HERC1: variants seen among roughly 807,000 people sequenced by gnomAD.
HERC1 encodes probable E3 ubiquitin-protein ligase HERC1.
Under a neutral mutation model 554.3 loss-of-function variants are expected in HERC1, and 160 were observed. That is an observed-to-expected ratio of 0.29 (90% CI 0.25 to 0.33). The LOEUF is 0.33. Ranked by LOEUF, HERC1 falls within the 10% of genes least tolerant of loss-of-function variation. HERC1 has a pLI of 1.00. For synonymous variants in HERC1, 2,175 were observed against 2,131.7 expected (o/e 1.02, Z -0.56); for missense variants, 4,919 against 5,918.5 (o/e 0.83, Z 5.54).
chr15:63,695,663 T>C (rs1427601132), intron 27 of HERC1, among the ~76,000 whole-genome samples: 7 of 152,160 alleles, frequency 4.6e-5, no homozygotes, highest in Admixed American at 6.5e-5. Context: ...GCTGGGATTA[T>C]AGGTGTGAGC....
At chr15:63,644,264 A>C (rs2069213127) in intron 57 of HERC1, among the ~76,000 whole-genome samples, 1 of 152,262 alleles carries the variant, frequency 6.6e-6, no homozygotes, top group Non-Finnish European at 1.5e-5. Flanking sequence ...TATCATGAGC[A>C]AAAGGAAGGC....
At chr15:63,741,293 C>A (rs761204358) in intron 12 of HERC1, among the ~76,000 whole-genome samples, 1 of 151,688 alleles carries the variant, frequency 6.6e-6, no homozygotes, top group Non-Finnish European at 1.5e-5. Context: ...TCTCAAAGTG[C>A]TGGGATTACA....
At position 63,609,265 on chromosome 15, in the gene HERC1, G is replaced by C; in HGVS notation, c.14402C>G (p.Pro4801Arg). 6.2e-7 allele frequency: 1 copy of C among 1,606,500 alleles called. No individual in the cohort carries two copies. Among genetic ancestry groups the C allele is most frequent in the South Asian group, 1.1e-5 (1 of 89,770 alleles). ...CTGTGAGGTAGGCAGACTGTCGTAA[G>C]GCTGTGGAGAGAGACCCAGAGCCGT... ...QRFQIMKVDR[P>R]YDSLPTSQTC... The change falls in exon 78 of 78, where the codon CCT (proline) becomes CGT (arginine). Residue 4801 changes from proline to arginine, a missense_variant and splice_region_variant. Coordinates refer to ENST00000443617, the MANE Select transcript of HERC1 (RefSeq NM_003922.4).
intron 59 of HERC1, among the ~76,000 whole-genome samples, chr15:63,642,571 T>G (rs1418209367): frequency 6.6e-6 from 1 of 152,152 alleles, no homozygotes; most frequent in Non-Finnish European, 1.5e-5. Flanking sequence ...CTCAGGACCT[T>G]GAGCAATCTG....
Position 63,623,795 on chromosome 15 carries a change from A to G in HERC1, c.13541T>C (p.Val4514Ala). 1 of 1,613,948 alleles carries G rather than the reference A, an allele frequency of 6.2e-7. No homozygotes were observed. The highest frequency in any genetic ancestry group is 8.5e-7 in the Non-Finnish European group (1 of 1,179,878). Residue 4514 changes from valine (V) to alanine (A), a missense_variant, in exon 73 of 78, where the codon GTT becomes GCT. Around this residue, in one of 11 missense-constraint regions of HERC1, gnomAD observed 410 missense variants for 467.0 expected, o/e 0.88. Coordinates refer to ENST00000443617, the MANE Select transcript of HERC1 (RefSeq NM_003922.4). ...ATCAGCCCCTTCTCCAACCAGCTTA[A>G]CCTTCCACGCTCGGGAAGGCAGGCG... Reference protein sequence around the residue: ...DLRLPSRAWKVKLVGEGADDA... With the variant: ...DLRLPSRAWKAKLVGEGADDA...
chr15:63,766,551 C>A (rs1342833613), intron 2 of HERC1, among the ~76,000 whole-genome samples: 1 of 152,206 alleles, frequency 6.6e-6, no homozygotes, highest in African/African-American at 2.4e-5. Context: ...TGCACTCCAG[C>A]CTAGGTGACA....
Position 63,658,629 on chromosome 15 carries a change from C to A in HERC1, c.9514G>T (p.Val3172Leu). 2.5e-6 allele frequency: 4 copies of A among 1,613,976 alleles called. No homozygotes were observed. Among genetic ancestry groups the A allele is most frequent in the Non-Finnish European group, 3.4e-6 (4 of 1,179,834 alleles). The change falls in exon 48 of 78, where the codon GTG becomes TTG. Residue 3172 changes from valine to leucine, a missense_variant. Physicochemically the swap from Val to Leu is conservative, Grantham distance 32 (BLOSUM62 1). Coordinates refer to ENST00000443617, the MANE Select transcript of HERC1 (RefSeq NM_003922.4). ...AALANPHDRV[V>L]ALRRVTAAAQ... ...GCAGCAGTCACTCTCCTTAAAGCCA[C>A]CACACGGTCATGAGGGTTTGCTAGG...
At chr15:63,665,330 G>A (rs761819885) in intron 42 of HERC1, among the ~76,000 whole-genome samples, 6 of 152,268 alleles carry the variant, frequency 3.9e-5, no homozygotes, top group Non-Finnish European at 7.4e-5. Flanking sequence ...TCTGGAGTTC[G>A]AGACCGTCCT....
chr15:63,799,893 T>C (rs2076924492), intron 1 of HERC1, among the ~76,000 whole-genome samples: 1 of 151,682 alleles, frequency 6.6e-6, no homozygotes, highest in South Asian at 2.1e-4. Context: ...TCCCAGCATT[T>C]TGGGAGGATC....
At position 63,628,626 on chromosome 15, in the gene HERC1, G is replaced by C. The variant is rs371487997; in HGVS notation, c.13105+51C>G. 45 of 1,548,650 alleles carry C rather than the reference G, an allele frequency of 2.9e-5. No individual in the cohort carries two copies. The African/African-American group carries it at 5.9e-4, about 20-fold the overall frequency. On this transcript the variant is annotated intron_variant, in intron 70 of 77. Transcript: ENST00000443617. ...AACTGGCAAGCAGACAGTGCCATGG[G>C]GTACTGCTAAAAAAGAAACGCTGCA...
At chr15:63,663,972 C>T (rs1415460069) in intron 43 of HERC1, among the ~76,000 whole-genome samples, 1 of 152,128 alleles carries the variant, frequency 6.6e-6, no homozygotes, top group Non-Finnish European at 1.5e-5. Context: ...AATATATTCC[C>T]TATAATTTAT....
intron 25 of HERC1, among the ~76,000 whole-genome samples, chr15:63,700,889 G>A (rs2153075971): frequency 6.6e-6 from 1 of 151,856 alleles, no homozygotes; most frequent in East Asian, 1.9e-4. Context: ...AATATTTAAA[G>A]AATAAAGTAG....
chr15:63,628,255 G>C (rs368614752), intron 70 of HERC1, among the ~76,000 whole-genome samples: 1 of 152,074 alleles, frequency 6.6e-6, no homozygotes, highest in Non-Finnish European at 1.5e-5. Flanking sequence ...AGCCAGGAAT[G>C]GTAGTGCATG....
At chr15:63,660,932 A>T (rs1218499592) in intron 46 of HERC1, 41 bp downstream of exon 46, 4 of 1,240,408 alleles carry the variant, frequency 3.2e-6, no homozygotes, top group East Asian at 2.3e-5. Context: ...GAGGATATAT[A>T]AAAAAACATG....
intron 10 of HERC1, among the ~76,000 whole-genome samples, chr15:63,748,943 G>A (rs545470601): frequency 6.6e-5 from 9 of 137,260 alleles, no homozygotes; most frequent in South Asian, 4.5e-4. Flanking sequence ...TTGATTTAAA[G>A]TATGACAATT....
Position 63,753,024 on chromosome 15 carries a change from T to G in HERC1, c.1836A>C (p.Gln612His). ...VYKPKVIEAL[Q>H]GMFIRKVCAG... is the part of the protein sequence containing the mutation. ...CACAAACTTTGCGAATGAACATTCC[T>G]TGTAAAGCTTCAATAACTTTAGGTT... The change falls in exon 8 of 78, where the codon CAA becomes CAC. Residue 612 changes from glutamine (Q) to histidine (H), a missense_variant. By Grantham distance (24) the Gln-to-His change is conservative (BLOSUM62 0). Coordinates refer to ENST00000443617, the MANE Select transcript of HERC1 (RefSeq NM_003922.4). 6.2e-7 allele frequency: 1 copy of G among 1,613,544 alleles called. No individual in the cohort carries two copies. The highest frequency in any genetic ancestry group is 8.5e-7 in the Non-Finnish European group (1 of 1,179,610).
At chr15:63,791,351 A>T (rs184272720) in intron 1 of HERC1, among the ~76,000 whole-genome samples, 1 of 152,342 alleles carries the variant, frequency 6.6e-6, no homozygotes, top group East Asian at 1.9e-4. Context: ...TTTCAGATTT[A>T]TATGTATATA....
chr15:63,661,827 G>A lies in HERC1; in HGVS notation c.9096C>T (p.Tyr3032=). 1 of 1,614,004 alleles carries A rather than the reference G, an allele frequency of 6.2e-7. No homozygotes were observed. The highest frequency in any genetic ancestry group is 8.5e-7 in the Non-Finnish European group (1 of 1,179,876). Reference sequence around the variant, plus strand: ...CCCTGCAGGTGCCACATAACAGGTAGTACGGATTTCCACTCCCACATTCAC... The same window carrying A: ...CCCTGCAGGTGCCACATAACAGGTAATACGGATTTCCACTCCCACATTCAC... ...FGGECGSGNP[Y]YLLCGTCREK... is the part of the protein sequence containing the mutation. Residue 3032 remains tyrosine, a synonymous_variant, in exon 45 of 78, where the codon TAC becomes TAT. Transcript: ENST00000443617.
Position 63,718,420 on chromosome 15 carries a change from T to G in HERC1, c.3978+154A>C. 1 of 689,740 alleles carries G rather than the reference T, an allele frequency of 1.4e-6. No individual in the cohort carries two copies. Among genetic ancestry groups the G allele is most frequent in the East Asian group, 2.9e-5 (1 of 34,122 alleles). The allele number at this position is 689,740 out of a possible 1,614,324, so 42.7% of individuals were successfully genotyped here. ...GTGAGGTTAAGTAAATCTCAAATCT[T>G]TTCCTTTTTTTTTTTCTGCTAGGAA... On this transcript the variant is annotated intron_variant, in intron 21 of 77. Coordinates refer to ENST00000443617, the MANE Select transcript of HERC1 (RefSeq NM_003922.4). The surrounding 1 kb of genome is among the most constrained non-coding windows in gnomAD (Gnocchi z 4.2).
Sources: allele counts gnomAD v4.1 joint callset (sites outside exome capture counted in the v4.1 genomes callset), GRCh38; gene constraint gnomAD v4.1.1; regional missense constraint gnomAD v4.1.1; non-coding constraint Gnocchi (gnomAD v3.1); transcripts MANE v1.5; gene names NCBI Gene and HGNC (gene_info 2026-07-23, HGNC 2026-07-21).